Variants in MSR1 observed in about 807,000 individuals in gnomAD.
MSR1 encodes the protein macrophage scavenger receptor 1.
A neutral mutation model predicts 47.2 loss-of-function variants in MSR1; 53 were observed. The ratio of observed to expected loss-of-function variants is 1.12; its 90% CI spans 0.90 to 1.41. MSR1 has a LOEUF of 1.41. Among genes scored for constraint, MSR1 ranks in the 40% most tolerant of loss-of-function variants. MSR1 has a pLI of 0.00. For missense variants in MSR1, 786 were observed against 546.9 expected, an observed-to-expected ratio of 1.44 and a Z score of -4.36; for synonymous variants, 239 against 185.6, an observed-to-expected ratio of 1.29 and a Z score of -2.34.
intron 1 of MSR1, 84 bp from the exon 2 acceptor site, chr8:16,178,076 G>C: frequency 2.9e-6 from 3 of 1,025,244 alleles, no homozygotes; most frequent in Non-Finnish European, 4.4e-6. Context: ...TGAAATTTCA[G>C]TTTGAAATGG....
At chr8:16,126,307 G>A (rs188386951) in intron 8 of MSR1, among the ~76,000 whole-genome samples, 95 of 152,104 alleles carry the variant, frequency 6.2e-4, no homozygotes, top group African/African-American at 2.2e-3. Context: ...AGAAATAATC[G>A]AACATAGAAA....
At chr8:16,127,194 A>G (rs1800148600) in intron 8 of MSR1, among the ~76,000 whole-genome samples, 1 of 152,180 alleles carries the variant, frequency 6.6e-6, no homozygotes, top group Non-Finnish European at 1.5e-5. Flanking sequence ...CCCTGAAATC[A>G]GAATATCTGT....
intron 1 of MSR1, among the ~76,000 whole-genome samples, chr8:16,184,136 A>T (rs1801924910): frequency 6.6e-6 from 1 of 151,732 alleles, no homozygotes; most frequent in Admixed American, 6.6e-5. Context: ...TTTATTTTTC[A>T]CCTTAACATT....
chr8:16,180,121 C>T (rs1484726180), intron 1 of MSR1, among the ~76,000 whole-genome samples: 1 of 151,188 alleles, frequency 6.6e-6, no homozygotes, highest in African/African-American at 2.4e-5. Context: ...TCTCTCTCTC[C>T]CCTTCTCCCT....
At chr8:16,138,434 T>G (rs2117099416) in intron 8 of MSR1, among the ~76,000 whole-genome samples, 1 of 152,334 alleles carries the variant, frequency 6.6e-6, no homozygotes, top group South Asian at 2.1e-4. Flanking sequence ...TGATAAAATT[T>G]GTGCCATTTG....
intron 8 of MSR1, among the ~76,000 whole-genome samples, chr8:16,125,720 A>C (rs1800112983): frequency 6.6e-6 from 1 of 152,106 alleles, no homozygotes; most frequent in Admixed American, 6.5e-5. Context: ...AGGTAGACAT[A>C]CTGGTACTTC....
chr8:16,177,643 C>G lies in MSR1; in HGVS notation c.103+243G>C, dbSNP rs182202921. On this transcript the variant is annotated intron_variant, in intron 2 of 9. Transcript: ENST00000262101. ...CTAGGATCATATTTATCTCCAGAAC[C>G]TAATATTGTAGCTGGGAAGCCAGAA... is the stretch of plus-strand genomic sequence containing the variant. Among the ~76,000 whole-genome samples, 5 of 152,050 alleles carry G rather than the reference C, an allele frequency of 3.3e-5. No homozygotes were observed. The South Asian group carries it at 6.2e-4, about 19-fold the overall frequency.
At chr8:16,176,493 T>TGA (rs1476703615) in intron 2 of MSR1, among the ~76,000 whole-genome samples, 2 of 129,230 alleles carry the variant, frequency 1.5e-5, no homozygotes, top group Non-Finnish European at 3.2e-5. Flanking sequence ...GGTGAAAAAG[T>TGA]GAGACCCTGT....
intron 8 of MSR1, among the ~76,000 whole-genome samples, chr8:16,124,418 T>G (rs1454372460): frequency 6.6e-6 from 1 of 152,216 alleles, no homozygotes; most frequent in Non-Finnish European, 1.5e-5. Context: ...AATACTCTTG[T>G]CAAGTGACTT....
chr8:16,166,636 C>G (rs1563161824), intron 4 of MSR1, among the ~76,000 whole-genome samples: 1 of 152,086 alleles, frequency 6.6e-6, no homozygotes, highest in African/African-American at 2.4e-5. Flanking sequence ...CTCCTAGAAA[C>G]AGGCATTTAA....
In MSR1 at chr8:16,109,233, G is replaced by C. The variant is rs74706101; in HGVS notation, c.*852C>G. ...CTGACTTCATAAAAGACTCCAAACA[G>C]TTGAAACCACTCTTCCTTCTGCACT... On this transcript the variant is annotated 3_prime_UTR_variant, in exon 10 of 10. Coordinates refer to ENST00000262101, the MANE Select transcript of MSR1 (RefSeq NM_138715.3). The C allele has an allele frequency of 9.8e-5, 12 of 122,588 alleles. No individual in the cohort carries two copies. In the East Asian group the frequency reaches 2.8e-3, roughly 29 times the overall value. The allele number at this position is 122,588 out of a possible 1,614,324, so 7.6% of individuals were successfully genotyped here.
chr8:16,126,853 G>A (rs1159987583), intron 8 of MSR1, among the ~76,000 whole-genome samples: 1 of 152,034 alleles, frequency 6.6e-6, no homozygotes, highest in Non-Finnish European at 1.5e-5. Flanking sequence ...CACTGCACCC[G>A]GCCATAGGTA....
At chr8:16,126,922 T>C (rs1420002012) in intron 8 of MSR1, among the ~76,000 whole-genome samples, 5 of 152,130 alleles carry the variant, frequency 3.3e-5, no homozygotes, top group African/African-American at 1.2e-4. Flanking sequence ...ACCAGAGTGA[T>C]AGATTCCTTG....
At chr8:16,120,275 G>A (rs1799968122) in intron 9 of MSR1, 143 bp downstream of exon 9, 5 of 838,990 alleles carry the variant, frequency 6.0e-6, no homozygotes, top group Middle Eastern at 2.4e-4. Context: ...TACTAGGCAG[G>A]CTAAGGGAGG....
intron 3 of MSR1, among the ~76,000 whole-genome samples, chr8:16,169,162 G>C (rs1378653094): frequency 1.3e-5 from 2 of 151,992 alleles, no homozygotes; most frequent in Non-Finnish European, 2.9e-5. Flanking sequence ...TTTTGGCCTT[G>C]CCAATTAAAA....
chr8:16,128,255 G>T (rs921298422), intron 8 of MSR1, among the ~76,000 whole-genome samples: 1 of 152,204 alleles, frequency 6.6e-6, no homozygotes, highest in African/African-American at 2.4e-5. Context: ...GTACTGAATT[G>T]TGTCGCTCCA....
chr8:16,157,801 C>G (rs528726122), intron 5 of MSR1, among the ~76,000 whole-genome samples: 10 of 152,056 alleles, frequency 6.6e-5, no homozygotes, highest in Admixed American at 5.3e-4. Context: ...TGGACTATTG[C>G]TAGAGATTTT....
intron 1 of MSR1, among the ~76,000 whole-genome samples, chr8:16,186,896 T>C (rs1049157186): frequency 6.6e-6 from 1 of 152,092 alleles, no homozygotes; most frequent in African/African-American, 2.4e-5. Flanking sequence ...ATTACACACA[T>C]GAGCTATTGA....
chr8:16,142,824 C>T (rs1413280302), intron 8 of MSR1, among the ~76,000 whole-genome samples: 1 of 152,052 alleles, frequency 6.6e-6, no homozygotes, highest in Non-Finnish European at 1.5e-5. Flanking sequence ...GTAGTTTCTA[C>T]TGGGAATACA....
Sources: gnomAD v4.1 joint callset for allele counts (sites outside exome capture counted in the v4.1 genomes callset) on GRCh38, gnomAD v4.1.1 for gene constraint, MANE v1.5 for transcripts, NCBI Gene and HGNC (gene_info 2026-07-23, HGNC 2026-07-21) for gene names.